The following TTF2 variants were observed in gnomAD, a reference collection of about 807,000 sequenced individuals.
TTF2 encodes RNA polymerase II termination factor.
In TTF2, 108 loss-of-function variants were observed where a neutral mutation model predicts 142.4. The observed-to-expected ratio is 0.76, with a 90% confidence interval of 0.65 to 0.89. The LOEUF (loss-of-function observed/expected upper bound fraction) is 0.89, where lower values mean the gene tolerates loss of function less well. TTF2 is among the 40% of genes least tolerant of loss of function. TTF2 has a pLI of 0.00. For missense variants in TTF2, 1,327 were observed against 1,379.8 expected (o/e 0.96, Z 0.61); for synonymous variants, 483 against 506.2 (o/e 0.95, Z 0.61).
chr1:117,060,617 C>T (rs1410437830), intron 2 of TTF2, 60 bp downstream of exon 2: 1 of 1,497,012 alleles, frequency 6.7e-7, no homozygotes, highest in Non-Finnish European at 9.0e-7. Context: ...AGAGGAGCTT[C>T]CCGCTCCCCG....
At chr1:117,068,021 G>A (rs992317524) in intron 3 of TTF2, among the ~76,000 whole-genome samples, 3 of 152,214 alleles carry the variant, frequency 2.0e-5, no homozygotes, top group Non-Finnish European at 4.4e-5. Flanking sequence ...CTGTGTACAG[G>A]CAGTAAAGAA....
At chr1:117,089,809 CTTG>C (rs927569584) in intron 13 of TTF2, among the ~76,000 whole-genome samples, 28 of 152,234 alleles carry the variant, frequency 1.8e-4, no homozygotes, top group African/African-American at 6.3e-4. Flanking sequence ...GGTTATATGT[CTTG>C]TTGTGACAGC....
intron 2 of TTF2, among the ~76,000 whole-genome samples, chr1:117,062,098 GTCAT>G (rs1261878392): frequency 6.6e-6 from 1 of 152,180 alleles, no homozygotes; most frequent in East Asian, 1.9e-4. Flanking sequence ...CCCTAATTAT[GTCAT>G]TCGTAGGGGG....
At chr1:117,095,401 C>A in intron 19 of TTF2, 34 bp downstream of exon 19, 1 of 1,601,768 alleles carries the variant, frequency 6.2e-7, no homozygotes, top group South Asian at 1.1e-5. Context: ...AAGTATTGGT[C>A]ATAATTATGT....
chr1:117,105,966 T>G lies in TTF2; in HGVS notation c.*4442T>G, dbSNP rs762304407. On this transcript the variant is annotated 3_prime_UTR_variant, in exon 23 of 23. Transcript: ENST00000369466. This position sits in a 1 kb window ranked among gnomAD's most constrained non-coding sequence, Gnocchi z 4.7. ...TTCTCCTGCACTAATAGGATAAGCA[T>G]GGAGACACCAGTGTTCAGTGTGGCC... 6.6e-6 allele frequency: 1 copy of G among 152,202 alleles called. No individual in the cohort carries two copies. Among genetic ancestry groups the G allele is most frequent in the Non-Finnish European group, 1.5e-5 (1 of 68,056 alleles). The allele number at this position is 152,202 out of a possible 1,614,324, so 9.4% of individuals were successfully genotyped here.
intron 19 of TTF2, among the ~76,000 whole-genome samples, chr1:117,095,795 C>A (rs1649082201): frequency 6.6e-6 from 1 of 152,182 alleles, no homozygotes; most frequent in Middle Eastern, 3.2e-3. Context: ...GCCTGTTGTT[C>A]TGGCTGGCAC....
At position 117,063,796 on chromosome 1, in the gene TTF2, G is replaced by C. The variant is rs372885202; in HGVS notation, c.218+1323G>C. On this transcript the variant is annotated intron_variant, in intron 3 of 22. Coordinates refer to ENST00000369466, the MANE Select transcript of TTF2 (RefSeq NM_003594.4). This position sits in a 1 kb window ranked among gnomAD's most constrained non-coding sequence, Gnocchi z 4.1. The stretch of plus-strand genomic sequence containing the variant: ...TTCCCCCAATGGTAACGTTTGCAAG[G>C]CTTAGAAATATATCACAAACAGGAT... Among the ~76,000 whole-genome samples the C allele has an allele frequency of 1.3e-5, 2 of 152,116 alleles. No individual in the cohort carries two copies. Among genetic ancestry groups the C allele is most frequent in the African/African-American group, 4.8e-5 (2 of 41,394 alleles).
In TTF2 at chr1:117,087,041, A is replaced by C. The variant is rs1170531004; in HGVS notation, c.2160+519A>C. On this transcript the variant is annotated intron_variant, in intron 12 of 22. Coordinates refer to ENST00000369466, the MANE Select transcript of TTF2 (RefSeq NM_003594.4). The surrounding 1 kb of genome is among the most constrained non-coding windows in gnomAD (Gnocchi z 4.8). ...TAGGGTGTCCAGGGCAGCCTCAGTT[A>C]TGTGATGTAGAGGCTTTATCATGTA... Among the ~76,000 whole-genome samples the C allele has an allele frequency of 2.0e-5, 3 of 152,150 alleles. No individual in the cohort carries two copies. The East Asian group carries it at 5.8e-4, about 29-fold the overall frequency.
intron 10 of TTF2, 144 bp from the exon 11 acceptor site, chr1:117,083,874 G>T: frequency 3.2e-6 from 3 of 929,484 alleles, no homozygotes; most frequent in Non-Finnish European, 3.2e-6. Flanking sequence ...CACTGTGGGA[G>T]GCTAAGGCAG....
In TTF2 at chr1:117,100,709, T is replaced by C. The variant is rs1649520814; in HGVS notation, c.3345-671T>C. ...ACCCTTGCCCAACATACAAGTCTCA[T>C]ATTAAGAGTTAACTGTTTAATGGGG... On this transcript the variant is annotated intron_variant, in intron 22 of 22. Coordinates refer to ENST00000369466, the MANE Select transcript of TTF2 (RefSeq NM_003594.4). This position sits in a 1 kb window ranked among gnomAD's most constrained non-coding sequence, Gnocchi z 4.6. Among the ~76,000 whole-genome samples the C allele has an allele frequency of 6.6e-6, 1 of 152,196 alleles. No individual in the cohort carries two copies. The highest frequency in any genetic ancestry group is 2.4e-5 in the African/African-American group (1 of 41,442).
At chr1:117,072,217 T>C (rs1385432074) in intron 3 of TTF2, among the ~76,000 whole-genome samples, 1 of 152,032 alleles carries the variant, frequency 6.6e-6, no homozygotes, top group African/African-American at 2.4e-5. Context: ...TCAGCCTTCT[T>C]TTTTTGGTGG....
chr1:117,074,675 A>G (rs1037535324), intron 4 of TTF2, among the ~76,000 whole-genome samples, 195 bp from the exon 5 acceptor site: 2 of 151,668 alleles, frequency 1.3e-5, no homozygotes, highest in Non-Finnish European at 2.9e-5. Flanking sequence ...GAACTACTGG[A>G]GAGGGGAGGA....
At chr1:117,088,039 T>C (rs1570854450) in intron 12 of TTF2, among the ~76,000 whole-genome samples, 2 of 152,212 alleles carry the variant, frequency 1.3e-5, no homozygotes, top group African/African-American at 4.8e-5. Flanking sequence ...CTTGTTTTTC[T>C]CCCCTGCTAG....
In TTF2 at chr1:117,075,962, G is replaced by T. The variant is rs1346028185; in HGVS notation, c.1275+103G>T. On this transcript the variant is annotated intron_variant, in intron 5 of 22. Coordinates refer to ENST00000369466, the MANE Select transcript of TTF2 (RefSeq NM_003594.4). This position sits in a 1 kb window ranked among gnomAD's most constrained non-coding sequence, Gnocchi z 4.5. ...GAAGGGTTAAATATGTTCATGTGAAGGTTTTATAGGTGCATGTTCAGTTTC... is the reference window on the plus strand; with the variant it reads ...GAAGGGTTAAATATGTTCATGTGAATGTTTTATAGGTGCATGTTCAGTTTC... The T allele has an allele frequency of 1.4e-6, 2 of 1,453,440 alleles. No individual in the cohort carries two copies. The highest frequency in any genetic ancestry group is 2.8e-5 in the South Asian group (2 of 71,158). The allele number at this position is 1,453,440 out of a possible 1,614,324, so 90.0% of individuals were successfully genotyped here.
chr1:117,069,708 G>A (rs2057593), intron 3 of TTF2, among the ~76,000 whole-genome samples: 11,901 of 152,258 alleles, frequency 0.078, 740 homozygotes, highest in African/African-American at 0.16. Flanking sequence ...GTAGGGCTGG[G>A]ATTTGAACCA....
rs968666310 is a variant in TTF2, at chr1:117,093,022, A to C, written c.2976+121A>C. On this transcript the variant is annotated intron_variant, in intron 18 of 22. Coordinates refer to ENST00000369466, the MANE Select transcript of TTF2 (RefSeq NM_003594.4). This position sits in a 1 kb window ranked among gnomAD's most constrained non-coding sequence, Gnocchi z 4.5. ...TTTGCCAGCAGAGCTAGAGCCGTTA[A>C]ATTCTAGCTGATCAGATTCTCCCTC... 2.7e-6 allele frequency: 3 copies of C among 1,107,338 alleles called. No individual in the cohort carries two copies. The Admixed American group carries it at 7.0e-5, about 26-fold the overall frequency. The allele number at this position is 1,107,338 out of a possible 1,614,324, so 68.6% of individuals were successfully genotyped here.
Position 117,076,944 on chromosome 1 carries a change from A to G in TTF2, c.1573+121A>G. 1 of 846,312 alleles carries G rather than the reference A, an allele frequency of 1.2e-6. No individual in the cohort carries two copies. Among genetic ancestry groups the G allele is most frequent in the Non-Finnish European group, 1.8e-6 (1 of 565,134 alleles). The allele number at this position is 846,312 out of a possible 1,614,324, so 52.4% of individuals were successfully genotyped here. On this transcript the variant is annotated intron_variant, in intron 7 of 22. Transcript: ENST00000369466. This position sits in a 1 kb window ranked among gnomAD's most constrained non-coding sequence, Gnocchi z 4.6. ...AACCTTAGTCACCTGTGGTTCAAAA[A>G]AAGGTGAGTACAGTACAGTAAGATA...
intron 21 of TTF2, chr1:117,098,632 C>T (rs1649351577): frequency 2.1e-6 from 1 of 481,412 alleles, no homozygotes; most frequent in Non-Finnish European, 3.7e-6. Context: ...TTCTTTGAGG[C>T]TTTTCAGGCC....
Position 117,101,365 on chromosome 1 carries a change from G to T in TTF2, c.3345-15G>T, listed in dbSNP as rs1304092795. The stretch of plus-strand genomic sequence containing the variant: ...GTTTTTGATAGTTTGCTTATTTTTT[G>T]TTTTTGTTTTTTAGATTTGTTTGTG... On this transcript the variant is annotated splice_polypyrimidine_tract_variant and intron_variant, in intron 22 of 22. Transcript: ENST00000369466. The surrounding 1 kb of genome is among the most constrained non-coding windows in gnomAD (Gnocchi z 5.9). 3.8e-6 allele frequency: 6 copies of T among 1,566,804 alleles called. No individual in the cohort carries two copies. In the Admixed American group the frequency reaches 6.4e-5, roughly 17 times the overall value.
Sources: gnomAD v4.1 joint callset for allele counts (sites outside exome capture counted in the v4.1 genomes callset) on GRCh38, gnomAD v4.1.1 for gene constraint, Gnocchi (gnomAD v3.1) non-coding constraint, MANE v1.5 for transcripts, NCBI Gene and HGNC (gene_info 2026-07-23, HGNC 2026-07-21) for gene names.